The following NRXN1 variants were observed in gnomAD, a reference collection of about 807,000 sequenced individuals.
The protein encoded by NRXN1 is neurexin 1, also known as neurexin-1.
Under a neutral mutation model 150.9 loss-of-function variants are expected in NRXN1, and 39 were observed. That is an observed-to-expected ratio of 0.26 (90% confidence interval 0.20 to 0.34). The LOEUF (loss-of-function observed/expected upper bound fraction) is 0.34, where lower values mean the gene tolerates loss of function less well. NRXN1 is among the 10% of genes least tolerant of loss of function. The pLI is 1.00. For synonymous variants in NRXN1, 924 were observed against 757.0 expected (o/e 1.22, Z -3.62); for missense variants, 1,815 against 1,949.9 (o/e 0.93, Z 1.30).
At chr2:50,933,993 A>G (rs888826346) in intron 2 of NRXN1, among the ~76,000 whole-genome samples, 5 of 152,158 alleles carry the variant, frequency 3.3e-5, no homozygotes, top group African/African-American at 1.2e-4. Context: ...ATTTCTACCA[A>G]AACAATTTCA....
intron 18 of NRXN1, among the ~76,000 whole-genome samples, chr2:50,209,272 A>G (rs2062836601): frequency 6.6e-6 from 1 of 152,178 alleles, no homozygotes; most frequent in African/African-American, 2.4e-5. Flanking sequence ...AGCGTTCATT[A>G]TAAACACTAG....
At chr2:51,026,965 G>A (rs752017191) in intron 2 of NRXN1, among the ~76,000 whole-genome samples, 11 of 152,158 alleles carry the variant, frequency 7.2e-5, no homozygotes, top group African/African-American at 1.9e-4. Context: ...AGCACTGCCC[G>A]TGAACCCTGT....
At chr2:50,853,044 C>G (rs890559697) in intron 5 of NRXN1, among the ~76,000 whole-genome samples, 2 of 152,158 alleles carry the variant, frequency 1.3e-5, no homozygotes, top group African/African-American at 2.4e-5. Flanking sequence ...TTAATTCACT[C>G]TCAGTGTCCA....
chr2:50,702,374 A>C (rs1356845849), intron 5 of NRXN1, among the ~76,000 whole-genome samples: 1 of 152,072 alleles, frequency 6.6e-6, no homozygotes, highest in South Asian at 2.1e-4. Flanking sequence ...AAAACAAAAC[A>C]AAACCTCATT....
At chr2:50,289,507 G>C (rs1444521068) in intron 17 of NRXN1, among the ~76,000 whole-genome samples, 1 of 152,044 alleles carries the variant, frequency 6.6e-6, no homozygotes, top group Admixed American at 6.6e-5. Flanking sequence ...TGACAGAAAA[G>C]GTACCTTAAT....
At chr2:50,516,544 C>A (rs2092635886) in intron 12 of NRXN1, among the ~76,000 whole-genome samples, 1 of 152,148 alleles carries the variant, frequency 6.6e-6, no homozygotes, top group Admixed American at 6.5e-5. Context: ...GAGAAGCTGT[C>A]TCAGGCTTGT....
At chr2:50,668,249 T>A (rs11902159) in intron 5 of NRXN1, among the ~76,000 whole-genome samples, 6,354 of 151,966 alleles carry the variant, frequency 0.042, 449 homozygotes, top group African/African-American at 0.14. Context: ...AATAAAATAG[T>A]GAAATAAGAG....
intron 2 of NRXN1, among the ~76,000 whole-genome samples, chr2:50,935,019 C>T (rs915921792): frequency 3.3e-5 from 5 of 152,064 alleles, no homozygotes; most frequent in African/African-American, 1.2e-4. Flanking sequence ...CTCTTAAGCC[C>T]CTCATTCTCG....
At chr2:50,072,900 C>T (rs567394560) in intron 19 of NRXN1, among the ~76,000 whole-genome samples, 1 of 152,218 alleles carries the variant, frequency 6.6e-6, no homozygotes, top group African/African-American at 2.4e-5. Flanking sequence ...CTCAAGATCC[C>T]CTATATTTCC....
At chr2:50,514,901 T>C in intron 12 of NRXN1, among the ~76,000 whole-genome samples, 1 of 152,196 alleles carries the variant, frequency 6.6e-6, no homozygotes, top group East Asian at 1.9e-4. Context: ...ACCTTAAAAA[T>C]ACTAATTCTC....
At chr2:50,547,396 C>T (rs1173908907) in intron 9 of NRXN1, 1 of 152,080 alleles carries the variant, frequency 6.6e-6, no homozygotes, top group African/African-American at 2.4e-5. Context: ...CAAATTTAAA[C>T]AATATTTGTG....
In NRXN1 at chr2:50,712,042, G is replaced by A. The variant is rs530139328; in HGVS notation, c.833-88427C>T. Among the ~76,000 whole-genome samples, 14 of 152,190 alleles carry A rather than the reference G, an allele frequency of 9.2e-5. 1 individual carries two copies. The South Asian group carries it at 2.9e-3, about 32-fold the overall frequency. ...GCAGCACAAAACAGACCAGGATCCT[G>A]ACCTACATTATTTCAAGTAGGAAAG... On this transcript the variant is annotated intron_variant, in intron 5 of 22. Coordinates refer to ENST00000401669, the MANE Select transcript of NRXN1 (RefSeq NM_001330078.2).
At chr2:50,064,146 G>A (rs943472425) in intron 19 of NRXN1, among the ~76,000 whole-genome samples, 1 of 151,808 alleles carries the variant, frequency 6.6e-6, no homozygotes, top group Non-Finnish European at 1.5e-5. Context: ...ACATATGTGT[G>A]CATGTCTATT....
intron 5 of NRXN1, among the ~76,000 whole-genome samples, chr2:50,663,380 G>C (rs192585581): frequency 6.6e-6 from 1 of 152,008 alleles, no homozygotes; most frequent in African/African-American, 2.4e-5. Context: ...TTAGACATTG[G>C]TTTTTGTTTG....
At chr2:50,647,039 T>C (rs1173603763) in intron 5 of NRXN1, among the ~76,000 whole-genome samples, 1 of 151,694 alleles carries the variant, frequency 6.6e-6, no homozygotes, top group Non-Finnish European at 1.5e-5. Flanking sequence ...TTTTTTTCAA[T>C]TTAGGTGGTC....
intron 17 of NRXN1, among the ~76,000 whole-genome samples, chr2:50,317,510 A>G (rs943761753): frequency 6.6e-6 from 1 of 151,716 alleles, no homozygotes; most frequent in African/African-American, 2.4e-5. Flanking sequence ...TACAATTGCT[A>G]TACCCAGTGG....
At chr2:50,275,144 T>A (rs1007208868) in intron 17 of NRXN1, among the ~76,000 whole-genome samples, 1 of 152,200 alleles carries the variant, frequency 6.6e-6, no homozygotes, top group African/African-American at 2.4e-5. Context: ...ACTACAATGT[T>A]ATCTTTTACA....
rs190826080 is a variant in NRXN1, at chr2:50,724,246, C to G, written c.833-100631G>C. Among the ~76,000 whole-genome samples, 723 of 152,160 alleles carry G rather than the reference C, an allele frequency of 4.8e-3. 8 individuals are homozygous for G. Among genetic ancestry groups the G allele is most frequent in the African/African-American group, 0.016 (674 of 41,498 alleles). ...AGTGTTAATAGCAGGGCATACAGTA[C>G]TATATAAGGTGCTTTAATCATCCTA... is the stretch of plus-strand genomic sequence containing the variant. On this transcript the variant is annotated intron_variant, in intron 5 of 22. Coordinates refer to ENST00000401669, the MANE Select transcript of NRXN1 (RefSeq NM_001330078.2).
intron 5 of NRXN1, among the ~76,000 whole-genome samples, chr2:50,810,782 C>G (rs553839054): frequency 1.3e-5 from 2 of 152,086 alleles, no homozygotes; most frequent in African/African-American, 4.8e-5. Flanking sequence ...GAGATGAAGA[C>G]CATCCTGGCC....
Sources: allele counts gnomAD v4.1 joint callset (sites outside exome capture counted in the v4.1 genomes callset), GRCh38; gene constraint gnomAD v4.1.1; transcripts MANE v1.5; gene names NCBI Gene and HGNC (gene_info 2026-07-23, HGNC 2026-07-21).